Variants in NEMP2 observed in about 807,000 individuals in gnomAD.
NEMP2 encodes nuclear envelope integral membrane protein 2.
NEMP2 carries 53 observed loss-of-function variants against 54.2 expected under a neutral mutation model. That is an observed-to-expected ratio of 0.98 (90% CI 0.78 to 1.23). NEMP2 has a LOEUF of 1.23. Ranked by LOEUF, NEMP2 falls within the 50% of genes most tolerant of loss-of-function variation. The pLI, the probability that NEMP2 is intolerant of heterozygous loss-of-function variation, is 0.00. For missense variants in NEMP2, 455 were observed against 511.3 expected (o/e 0.89, Z 1.06); for synonymous variants, 197 against 190.3 (o/e 1.04, Z -0.29).
chr2:190,435,674 A>G, the NEMP2 span, among the ~76,000 whole-genome samples: 4 of 152,364 alleles, frequency 2.6e-5, no homozygotes, highest in African/African-American at 7.2e-5. Flanking sequence ...TTTGGTTTAG[A>G]CATAATCCCT....
the NEMP2 span, among the ~76,000 whole-genome samples, chr2:190,493,499 A>G: frequency 6.6e-6 from 1 of 152,274 alleles, no homozygotes; most frequent in South Asian, 2.1e-4. Context: ...CAAAGAAACA[A>G]TGGATTTAAA....
At chr2:190,572,007 A>G in the NEMP2 span, among the ~76,000 whole-genome samples, 1 of 152,080 alleles carries the variant, frequency 6.6e-6, no homozygotes, top group Non-Finnish European at 1.5e-5. Context: ...AATCATTTCT[A>G]GCTGTTCAAA....
the NEMP2 span, among the ~76,000 whole-genome samples, chr2:190,465,289 C>G: frequency 1.3e-5 from 2 of 152,130 alleles, no homozygotes; most frequent in African/African-American, 4.8e-5. The surrounding 1 kb of genome is among the most constrained non-coding windows in gnomAD (Gnocchi z 4.6). Context: ...GTTTACCAAC[C>G]ACCTGTTCTA....
chr2:190,439,389 T>C, the NEMP2 span, among the ~76,000 whole-genome samples: 2 of 152,164 alleles, frequency 1.3e-5, no homozygotes, highest in Admixed American at 6.5e-5. This position sits in a 1 kb window ranked among gnomAD's most constrained non-coding sequence, Gnocchi z 5.8. Flanking sequence ...TTTATTATAC[T>C]TTAAGTTTTA....
the NEMP2 span, among the ~76,000 whole-genome samples, chr2:190,473,349 G>A: frequency 6.6e-5 from 10 of 152,092 alleles, no homozygotes; most frequent in African/African-American, 7.2e-5. Flanking sequence ...CCCATCTCAC[G>A]TGCAGAAACA....
chr2:190,561,639 A>G, the NEMP2 span, among the ~76,000 whole-genome samples: 53 of 152,346 alleles, frequency 3.5e-4, 1 homozygote, highest in South Asian at 0.011. This position sits in a 1 kb window ranked among gnomAD's most constrained non-coding sequence, Gnocchi z 5.4. Flanking sequence ...TTGGATTTCA[A>G]CATACACTTT....
At chr2:190,492,098 C>T in the NEMP2 span, among the ~76,000 whole-genome samples, 4 of 152,008 alleles carry the variant, frequency 2.6e-5, no homozygotes, top group East Asian at 1.9e-4. The surrounding 1 kb of genome is among the most constrained non-coding windows in gnomAD (Gnocchi z 5.2). Flanking sequence ...ATTAATCCAA[C>T]GAAGACAAAG....
At chr2:190,448,310 A>C in the NEMP2 span, among the ~76,000 whole-genome samples, 2 of 152,224 alleles carry the variant, frequency 1.3e-5, no homozygotes, top group Non-Finnish European at 1.5e-5. Flanking sequence ...TTTTAGATAA[A>C]TACCTCCCTG....
the NEMP2 span, among the ~76,000 whole-genome samples, chr2:190,453,839 G>A: frequency 6.6e-6 from 1 of 152,164 alleles, no homozygotes; most frequent in Admixed American, 6.5e-5. Context: ...TCTGGTAAGT[G>A]CAATGTAAAC....
chr2:190,532,273 T>A (rs1691170634), intron 1 of NEMP2, among the ~76,000 whole-genome samples: 1 of 152,244 alleles, frequency 6.6e-6, no homozygotes, highest in Non-Finnish European at 1.5e-5. Context: ...CAGTTTTTTT[T>A]AACCTGAATA....
chr2:190,575,041 G>C, the NEMP2 span, among the ~76,000 whole-genome samples: 15,641 of 151,836 alleles, frequency 0.1, 1,275 homozygotes, highest in African/African-American at 0.22. Context: ...ATTTTTAGTA[G>C]AGATGGGGTT....
the NEMP2 span, among the ~76,000 whole-genome samples, chr2:190,494,032 A>AG: frequency 6.6e-6 from 1 of 152,118 alleles, no homozygotes; most frequent in South Asian, 2.1e-4. The surrounding 1 kb of genome is among the most constrained non-coding windows in gnomAD (Gnocchi z 5.7). Context: ...ATGAAATTGA[A>AG]GGAAAAAAAA....
At chr2:190,577,416 G>A in the NEMP2 span, among the ~76,000 whole-genome samples, 21 of 152,188 alleles carry the variant, frequency 1.4e-4, no homozygotes, top group East Asian at 2.7e-3. The surrounding 1 kb of genome is among the most constrained non-coding windows in gnomAD (Gnocchi z 4.8). Flanking sequence ...TTAGGTTCAC[G>A]TAAATAATGG....
the NEMP2 span, chr2:190,488,796 A>G: frequency 6.3e-7 from 1 of 1,586,950 alleles, no homozygotes; most frequent in Non-Finnish European, 8.5e-7. The surrounding 1 kb of genome is among the most constrained non-coding windows in gnomAD (Gnocchi z 6.4). Flanking sequence ...CCATGATCGG[A>G]GGCGTGTTAG....
the NEMP2 span, among the ~76,000 whole-genome samples, chr2:190,575,950 A>G: frequency 1.3e-5 from 2 of 152,020 alleles, no homozygotes; most frequent in Non-Finnish European, 2.9e-5. Flanking sequence ...ACCTATATTC[A>G]TGAGTACTGT....
chr2:190,581,406 G>C, the NEMP2 span, among the ~76,000 whole-genome samples: 6 of 152,234 alleles, frequency 3.9e-5, no homozygotes, highest in African/African-American at 1.4e-4. Context: ...GTATATGTAA[G>C]TAACGAACTA....
At chr2:190,607,191 G>A in the NEMP2 span, among the ~76,000 whole-genome samples, 3 of 152,210 alleles carry the variant, frequency 2.0e-5, no homozygotes, top group African/African-American at 4.8e-5. This position sits in a 1 kb window ranked among gnomAD's most constrained non-coding sequence, Gnocchi z 5.2. Flanking sequence ...AGGAGTCAGG[G>A]TTTGACAGGA....
At chr2:190,557,252 T>G in the NEMP2 span, among the ~76,000 whole-genome samples, 1 of 152,140 alleles carries the variant, frequency 6.6e-6, no homozygotes, top group Non-Finnish European at 1.5e-5. Flanking sequence ...ATAAATGGTA[T>G]TGGGAAAACT....
chr2:190,592,308 A>G, the NEMP2 span, among the ~76,000 whole-genome samples: 1 of 152,188 alleles, frequency 6.6e-6, no homozygotes, highest in African/African-American at 2.4e-5. This position sits in a 1 kb window ranked among gnomAD's most constrained non-coding sequence, Gnocchi z 4.4. Flanking sequence ...TCTAAAGTGT[A>G]TGTATAGTAG....
Sources: gnomAD v4.1 joint callset for allele counts (sites outside exome capture counted in the v4.1 genomes callset) on GRCh38, gnomAD v4.1.1 for gene constraint, Gnocchi (gnomAD v3.1) non-coding constraint, MANE v1.5 for transcripts, NCBI Gene and HGNC (gene_info 2026-07-23, HGNC 2026-07-21) for gene names.